PAPPA2: variants seen among roughly 807,000 people sequenced by gnomAD.
PAPPA2 encodes the protein pappalysin 2.
PAPPA2 carries 86 observed loss-of-function variants against 176.4 expected under a neutral mutation model. The observed-to-expected ratio is 0.49, with a 90% CI of 0.41 to 0.58. The LOEUF (loss-of-function observed/expected upper bound fraction) is 0.58. Among genes scored for constraint, PAPPA2 ranks in the 20% least tolerant of loss-of-function variants. The pLI, the probability that PAPPA2 is intolerant of heterozygous loss-of-function variation, is 0.00. For missense variants in PAPPA2, 2,073 were observed against 2,256.9 expected (o/e 0.92, Z 1.65); for synonymous variants, 809 against 852.2 (o/e 0.95, Z 0.88).
At chr1:176,820,823 A>G (rs1388724570) in intron 21 of PAPPA2, among the ~76,000 whole-genome samples, 1 of 152,308 alleles carries the variant, frequency 6.6e-6, no homozygotes, top group Non-Finnish European at 1.5e-5. Context: ...AGAAAAGAAA[A>G]GAGAAAAAGA....
chr1:176,594,797 C>T lies in PAPPA2; in HGVS notation c.1193C>T (p.Pro398Leu), dbSNP rs2102649963. The change falls in exon 3 of 23, where the codon CCC becomes CTC. Residue 398 changes from proline (P) to leucine (L), a missense_variant. Coordinates refer to ENST00000367662, the MANE Select transcript of PAPPA2 (RefSeq NM_020318.3). ...GACCAGTCTGGTCCCCTGAACAGCC[C>T]CTTCATGGCATCTTGCCGCTCTTTG... ...SLDQSGPLNS[P>L]FMASCRSLLL... 1.2e-6 allele frequency: 2 copies of T among 1,614,228 alleles called. No homozygotes were observed. Among genetic ancestry groups the T allele is most frequent in the Non-Finnish European group, 1.7e-6 (2 of 1,180,044 alleles).
chr1:176,509,846 C>G (rs987659965), intron 1 of PAPPA2, among the ~76,000 whole-genome samples: 3 of 146,998 alleles, frequency 2.0e-5, no homozygotes, highest in African/African-American at 7.6e-5. Flanking sequence ...CTACAAAAAA[C>G]AAAACAAACA....
Position 176,556,733 on chromosome 1 carries a change from A to G in PAPPA2, c.411A>G (p.Gln137=), listed in dbSNP as rs1419887287. Reference sequence around the variant, plus strand: ...GGGTAGGGGATAGTCCTATTGGGCAATCTGAGCTGCTGGGAGATGATGACG... The same window carrying G: ...GGGTAGGGGATAGTCCTATTGGGCAGTCTGAGCTGCTGGGAGATGATGACG... ...APWVGDSPIG[Q]SELLGDDDAY... The change falls in exon 2 of 23, where the codon CAA becomes CAG. Residue 137 remains glutamine (Q), a synonymous_variant. Coordinates refer to ENST00000367662, the MANE Select transcript of PAPPA2 (RefSeq NM_020318.3). The G allele has an allele frequency of 1.9e-6, 3 of 1,614,084 alleles. No homozygotes were observed. Among genetic ancestry groups the G allele is most frequent in the Non-Finnish European group, 2.5e-6 (3 of 1,179,956 alleles).
rs749323154 is a variant in PAPPA2 at position 176,771,045 on chromosome 1, C to T, written c.4580C>T (p.Ala1527Val). 1.5e-5 allele frequency: 24 copies of T among 1,613,974 alleles called. No homozygotes were observed. The highest frequency in any genetic ancestry group is 1.9e-5 in the Non-Finnish European group (22 of 1,180,026). ...GTCTACTGCAAGTTGGAGTGTGATGCTCCCCCTATTATTCTGAATGCCAAC... is the reference window on the plus strand; with the variant it reads ...GTCTACTGCAAGTTGGAGTGTGATGTTCCCCCTATTATTCTGAATGCCAAC... ...PEVYCKLECD[A>V]PPIILNANLL... The change falls in exon 17 of 23, where the codon GCT becomes GTT. Residue 1527 changes from alanine to valine, a missense_variant. Transcript: ENST00000367662.
At chr1:176,823,430 C>T (rs956874561) in intron 21 of PAPPA2, among the ~76,000 whole-genome samples, 2 of 152,128 alleles carry the variant, frequency 1.3e-5, no homozygotes, top group Non-Finnish European at 2.9e-5. Flanking sequence ...CCAATCTAAG[C>T]AATTTGGGCT....
chr1:176,619,001 G>A lies in PAPPA2; in HGVS notation c.1991+23406G>A, dbSNP rs143690555. 6.3e-3 allele frequency among the ~76,000 whole-genome samples: 954 copies of A among 152,234 alleles called. 18 individuals are homozygous for A. Among genetic ancestry groups the A allele is most frequent in the African/African-American group, 0.021 (871 of 41,526 alleles). ...GGGTCATCAATAGGATAGCCATATA[G>A]TTTTTCATCCAGATTGGGACACCAC... On this transcript the variant is annotated intron_variant, in intron 3 of 22. Coordinates refer to ENST00000367662, the MANE Select transcript of PAPPA2 (RefSeq NM_020318.3).
At chr1:176,785,207 A>T (rs562946507) in intron 17 of PAPPA2, among the ~76,000 whole-genome samples, 1 of 152,322 alleles carries the variant, frequency 6.6e-6, no homozygotes, top group Non-Finnish European at 1.5e-5. Flanking sequence ...TTCCTGGCAC[A>T]ATCCAACCAG....
intron 1 of PAPPA2, among the ~76,000 whole-genome samples, chr1:176,464,305 T>C (rs998374396): frequency 3.0e-4 from 46 of 152,294 alleles, no homozygotes; most frequent in African/African-American, 1.0e-3. Context: ...AGTTTTGCCA[T>C]TGGGCACAGT....
chr1:176,805,697 T>G (rs1243812707), intron 21 of PAPPA2, among the ~76,000 whole-genome samples: 1 of 152,042 alleles, frequency 6.6e-6, no homozygotes. Context: ...ATATTAAGAA[T>G]CAAGGCCAGG....
chr1:176,717,510 A>G (rs1310506315), intron 12 of PAPPA2, among the ~76,000 whole-genome samples: 1 of 152,196 alleles, frequency 6.6e-6, no homozygotes. Context: ...TGCTACTCTG[A>G]GCTCACTGTC....
At chr1:176,468,720 GC>G in intron 1 of PAPPA2, among the ~76,000 whole-genome samples, 1 of 152,272 alleles carries the variant, frequency 6.6e-6, no homozygotes. Context: ...GGTTGACTTG[GC>G]CACTTAGGTA....
At chr1:176,630,250 T>G (rs912872982) in intron 3 of PAPPA2, among the ~76,000 whole-genome samples, 4 of 152,166 alleles carry the variant, frequency 2.6e-5, no homozygotes, top group Admixed American at 1.3e-4. Flanking sequence ...ACGTAGGTAG[T>G]AAAATTTGAA....
intron 15 of PAPPA2, among the ~76,000 whole-genome samples, chr1:176,768,587 T>G: frequency 6.6e-6 from 1 of 152,190 alleles, no homozygotes; most frequent in South Asian, 2.1e-4. Flanking sequence ...CCTCCTTTTC[T>G]CCTTTCTATT....
intron 14 of PAPPA2, among the ~76,000 whole-genome samples, chr1:176,745,174 C>T (rs532501208): frequency 1.6e-4 from 25 of 152,166 alleles, no homozygotes; most frequent in Non-Finnish European, 2.4e-4. Flanking sequence ...CCTTTGCCAA[C>T]GGGTATCATG....
intron 1 of PAPPA2, among the ~76,000 whole-genome samples, chr1:176,493,507 C>G (rs1045989022): frequency 6.6e-6 from 1 of 152,322 alleles, no homozygotes; most frequent in South Asian, 2.1e-4. Flanking sequence ...CTGAACAAAA[C>G]AGACCTCACC....
At chr1:176,626,443 G>A (rs897070573) in intron 3 of PAPPA2, among the ~76,000 whole-genome samples, 1 of 152,140 alleles carries the variant, frequency 6.6e-6, no homozygotes, top group African/African-American at 2.4e-5. Flanking sequence ...TTAGAGGACT[G>A]GAGAGTATGT....
At chr1:176,524,200 T>C (rs1311695417) in intron 1 of PAPPA2, among the ~76,000 whole-genome samples, 5 of 150,888 alleles carry the variant, frequency 3.3e-5, no homozygotes, top group Admixed American at 1.3e-4. Flanking sequence ...TATAAACACA[T>C]GGCATATAGC....
At chr1:176,799,160 T>G (rs1665564632) in intron 20 of PAPPA2, among the ~76,000 whole-genome samples, 1 of 151,966 alleles carries the variant, frequency 6.6e-6, no homozygotes. Flanking sequence ...TGCAGAAGGG[T>G]GGGTTGGTAG....
At chr1:176,466,252 C>T (rs1212161671) in intron 1 of PAPPA2, among the ~76,000 whole-genome samples, 1 of 152,074 alleles carries the variant, frequency 6.6e-6, no homozygotes, top group Non-Finnish European at 1.5e-5. Flanking sequence ...GCTGCAAAGG[C>T]CAAATGAACA....
Sources: allele counts gnomAD v4.1 joint callset (sites outside exome capture counted in the v4.1 genomes callset), GRCh38; gene constraint gnomAD v4.1.1; transcripts MANE v1.5; gene names NCBI Gene and HGNC (gene_info 2026-07-23, HGNC 2026-07-21).